CFAP54: variants seen among roughly 807,000 people sequenced by gnomAD.
CFAP54 encodes cilia- and flagella-associated protein 54.
Under a neutral mutation model 370.4 loss-of-function variants are expected in CFAP54, and 290 were observed. The observed-to-expected ratio is 0.78, with a 90% CI of 0.71 to 0.86. The LOEUF is 0.86. Among genes scored for constraint, CFAP54 ranks in the 40% least tolerant of loss-of-function variants. The pLI is 0.00. For synonymous variants in CFAP54, 1,206 were observed against 1,236.5 expected, an observed-to-expected ratio of 0.98 and a Z score of 0.52; for missense variants, 3,399 against 3,528.7, an observed-to-expected ratio of 0.96 and a Z score of 0.93.
intron 36 of CFAP54, among the ~76,000 whole-genome samples, chr12:96,655,332 A>G (rs1956909828): frequency 6.6e-6 from 1 of 151,960 alleles, no homozygotes; most frequent in Non-Finnish European, 1.5e-5. Context: ...AAGCTTGACT[A>G]CCTTACCTCC....
intron 38 of CFAP54, among the ~76,000 whole-genome samples, chr12:96,660,972 G>T (rs1193441174): frequency 6.6e-6 from 1 of 152,146 alleles, no homozygotes; most frequent in Non-Finnish European, 1.5e-5. Context: ...GAGATACATA[G>T]GGTGAGGCAG....
At chr12:96,633,188 C>G (rs561116003) in intron 32 of CFAP54, among the ~76,000 whole-genome samples, 23 of 152,238 alleles carry the variant, frequency 1.5e-4, no homozygotes, top group Non-Finnish European at 3.1e-4. Flanking sequence ...CTCTTCTTTC[C>G]TTTTCGTGTT....
intron 1 of CFAP54, among the ~76,000 whole-genome samples, chr12:96,498,387 G>A (rs892800424): frequency 2.0e-5 from 3 of 152,266 alleles, no homozygotes; most frequent in African/African-American, 7.2e-5. Context: ...GGGCACCGTG[G>A]CTCACGCCTG....
chr12:96,668,184 C>A (rs561770627), intron 39 of CFAP54, among the ~76,000 whole-genome samples: 3 of 152,190 alleles, frequency 2.0e-5, no homozygotes, highest in Non-Finnish European at 2.9e-5. Flanking sequence ...AAGTTTCCCA[C>A]AATTTCCTGT....
At chr12:96,603,057 G>A (rs1956261653) in intron 26 of CFAP54, among the ~76,000 whole-genome samples, 1 of 152,164 alleles carries the variant, frequency 6.6e-6, no homozygotes, top group Non-Finnish European at 1.5e-5. Flanking sequence ...AGTGTCAATG[G>A]TCTTTACAAT....
chr12:96,865,429 G>A (rs1233429464), intron 67 of CFAP54, among the ~76,000 whole-genome samples: 1 of 152,020 alleles, frequency 6.6e-6, no homozygotes, highest in Non-Finnish European at 1.5e-5. Context: ...TTAAACACAG[G>A]CAAAACAACA....
Position 96,489,915 on chromosome 12 carries a change from C to A in CFAP54, c.306C>A (p.Phe102Leu). 1 of 1,531,732 alleles carries A rather than the reference C, an allele frequency of 6.5e-7. No individual in the cohort carries two copies. The highest frequency in any genetic ancestry group is 8.7e-7 in the Non-Finnish European group (1 of 1,143,786). The allele number at this position is 1,531,732 out of a possible 1,614,324, so 94.9% of individuals were successfully genotyped here. Residue 102 changes from phenylalanine (F) to leucine (L), a missense_variant, in exon 1 of 68, where the codon TTC becomes TTA. Physicochemically the swap from Phe to Leu is conservative, Grantham distance 22. Coordinates refer to ENST00000524981, the MANE Select transcript of CFAP54 (RefSeq NM_001306084.2). ...LATTEEEKHEFRRRCATSLFN... is the reference protein window; with the variant it reads ...LATTEEEKHELRRRCATSLFN... The stretch of plus-strand genomic sequence containing the variant: ...CCACGGAGGAAGAGAAGCACGAATT[C>A]CGCCGGCGTTGGTAAGCGCTGGCGG...
chr12:96,554,833 G>C, intron 17 of CFAP54, 31 bp downstream of exon 17: 2 of 1,503,716 alleles, frequency 1.3e-6, no homozygotes, highest in Non-Finnish European at 1.8e-6. Context: ...TAACCATTCT[G>C]AATCAATTTT....
chr12:96,791,479 G>A lies in CFAP54; in HGVS notation c.8680-850G>A, dbSNP rs1420000086. Among the ~76,000 whole-genome samples the A allele has an allele frequency of 5.3e-5, 8 of 152,234 alleles. No individual in the cohort carries two copies. In the East Asian group the frequency reaches 1.3e-3, roughly 26 times the overall value. On this transcript the variant is annotated intron_variant, in intron 62 of 67. Transcript: ENST00000524981. ...CAGTGACCAAAGTTGCATAAAAGAA[G>A]CTGGGCCCACATTCATCAAGGACAA...
At chr12:96,752,094 G>GAGAGAGAGAA (rs1958191543) in intron 55 of CFAP54, among the ~76,000 whole-genome samples, 1 of 132,800 alleles carries the variant, frequency 7.5e-6, no homozygotes, top group African/African-American at 3.1e-5. Context: ...ATGAGAGAGA[G>GAGAGAGAGAA]AGAGAGAGAG....
In CFAP54 at chr12:96,518,939, T is replaced by C. The variant is rs1469794365; in HGVS notation, c.810T>C (p.Tyr270=). ...VIGQSSKALE[Y]LLWASMCMES... The stretch of plus-strand genomic sequence containing the variant: ...CCTTTATTTTGCAGGCCTTAGAGTA[T>C]CTCCTGTGGGCCAGCATGTGTATGG... Residue 270 remains tyrosine, a synonymous_variant, in exon 6 of 68, where the codon TAT becomes TAC. Coordinates refer to ENST00000524981, the MANE Select transcript of CFAP54 (RefSeq NM_001306084.2). 6.5e-7 allele frequency: 1 copy of C among 1,534,716 alleles called. No homozygotes were observed. Among genetic ancestry groups the C allele is most frequent in the East Asian group, 2.4e-5 (1 of 40,882 alleles).
chr12:96,589,699 A>G, intron 23 of CFAP54, 136 bp downstream of exon 23: 2 of 617,428 alleles, frequency 3.2e-6, no homozygotes. Context: ...CTATTGTAAT[A>G]AGAGTATGCA....
chr12:96,621,486 A>G, intron 26 of CFAP54, 104 bp from the exon 27 acceptor site: 1 of 773,694 alleles, frequency 1.3e-6, no homozygotes, highest in Non-Finnish European at 1.8e-6. Flanking sequence ...GGATTCTTAG[A>G]CTGAAAACTC....
At chr12:96,554,515 C>T (rs77866634) in intron 16 of CFAP54, among the ~76,000 whole-genome samples, 161 bp from the exon 17 acceptor site, 2 of 152,100 alleles carry the variant, frequency 1.3e-5, no homozygotes, top group African/African-American at 2.4e-5. Context: ...ATTCTAAGGG[C>T]ATATTTATTA....
At chr12:96,861,433 G>T (rs767776506) in intron 67 of CFAP54, among the ~76,000 whole-genome samples, 1 of 152,104 alleles carries the variant, frequency 6.6e-6, no homozygotes, top group Non-Finnish European at 1.5e-5. Context: ...TGTCACTAAC[G>T]CTAGTCTTGA....
chr12:96,544,950 T>C (rs6538726), intron 14 of CFAP54, among the ~76,000 whole-genome samples: 144,279 of 151,486 alleles, frequency 0.95, 68,767 homozygotes, highest in East Asian at 1. Context: ...CTCGCTCTTT[T>C]ACCCAGGCTA....
At chr12:96,770,309 G>T (rs137939900) in intron 60 of CFAP54, among the ~76,000 whole-genome samples, 1 of 152,186 alleles carries the variant, frequency 6.6e-6, no homozygotes, top group East Asian at 1.9e-4. Context: ...TTGGTCAAAT[G>T]CCTGCCAGAG....
chr12:96,580,325 T>C (rs1385469337), intron 20 of CFAP54, among the ~76,000 whole-genome samples: 1 of 152,120 alleles, frequency 6.6e-6, no homozygotes, highest in Non-Finnish European at 1.5e-5. Context: ...TTAGAAAATA[T>C]CTGTAAATTT....
chr12:96,768,276 G>A (rs1037632586), intron 60 of CFAP54, among the ~76,000 whole-genome samples: 3 of 151,522 alleles, frequency 2.0e-5, no homozygotes, highest in Non-Finnish European at 4.4e-5. Context: ...AGCCGAGATC[G>A]CACCATTGCA....
Sources: gnomAD v4.1 joint callset for allele counts (sites outside exome capture counted in the v4.1 genomes callset) on GRCh38, gnomAD v4.1.1 for gene constraint, MANE v1.5 for transcripts, NCBI Gene and HGNC (gene_info 2026-07-23, HGNC 2026-07-21) for gene names.